Variants in CPNE4 observed in about 807,000 individuals in gnomAD.
CPNE4 encodes the protein copine-4.
A neutral mutation model predicts 67.9 loss-of-function variants in CPNE4; 25 were observed. That is an observed-to-expected ratio of 0.37 (90% CI 0.27 to 0.51). The LOEUF is 0.51. Ranked by LOEUF, CPNE4 falls within the 20% of genes least tolerant of loss-of-function variation. The pLI is 0.93. For missense variants in CPNE4, 464 were observed against 690.8 expected, an observed-to-expected ratio of 0.67 and a Z score of 3.68; for synonymous variants, 242 against 244.9, an observed-to-expected ratio of 0.99 and a Z score of 0.11.
At chr3:131,900,257 A>G (rs948901481) in intron 2 of CPNE4, among the ~76,000 whole-genome samples, 3 of 149,608 alleles carry the variant, frequency 2.0e-5, no homozygotes, top group Non-Finnish European at 4.5e-5. Context: ...AACATCACTG[A>G]TCATCAGAAA....
chr3:131,808,090 T>G (rs984449434), intron 2 of CPNE4, among the ~76,000 whole-genome samples: 28 of 152,128 alleles, frequency 1.8e-4, no homozygotes, highest in Non-Finnish European at 2.1e-4. Context: ...TTGACTCAAG[T>G]CCCCACACTA....
intron 2 of CPNE4, among the ~76,000 whole-genome samples, chr3:131,858,259 C>A (rs577975674): frequency 1.4e-4 from 22 of 152,148 alleles, no homozygotes; most frequent in African/African-American, 5.3e-4. Context: ...TCATACTTTC[C>A]TGCCATTCAA....
chr3:131,925,792 C>T (rs994513953), intron 1 of CPNE4, among the ~76,000 whole-genome samples: 3 of 152,258 alleles, frequency 2.0e-5, no homozygotes, highest in East Asian at 3.9e-4. Flanking sequence ...TGGGCAGCCT[C>T]CCCAGGGCTA....
chr3:131,806,346 C>T lies in CPNE4; in HGVS notation c.181-82721G>A, dbSNP rs533509720. On this transcript the variant is annotated intron_variant, in intron 2 of 15. Transcript: ENST00000429747. ...CGGGTAGATCATGAGGTCAGGAGAT[C>T]GAGACCATCCTGGCTAACATGGTGA... is the stretch of plus-strand genomic sequence containing the variant. 3.2e-3 allele frequency among the ~76,000 whole-genome samples: 484 copies of T among 152,102 alleles called. 3 individuals are homozygous for T. Among genetic ancestry groups the T allele is most frequent in the African/African-American group, 1.0e-2 (415 of 41,504 alleles).
At chr3:131,908,831 G>A (rs1322698028) in intron 1 of CPNE4, among the ~76,000 whole-genome samples, 2 of 152,088 alleles carry the variant, frequency 1.3e-5, no homozygotes, top group Admixed American at 6.6e-5. Context: ...GTATCCTTGG[G>A]CAGGGTATTT....
intron 2 of CPNE4, among the ~76,000 whole-genome samples, chr3:131,803,195 G>A (rs888421144): frequency 1.3e-5 from 2 of 152,180 alleles, no homozygotes; most frequent in Non-Finnish European, 2.9e-5. Context: ...ATTACATAAT[G>A]TCCTAGAGGG....
chr3:131,734,781 C>T (rs1244116777), intron 2 of CPNE4, among the ~76,000 whole-genome samples: 1 of 152,134 alleles, frequency 6.6e-6, no homozygotes, highest in African/African-American at 2.4e-5. Flanking sequence ...GTCCCTGCTA[C>T]TCAGGAGGTT....
At position 131,555,508 on chromosome 3, in the gene CPNE4, G is replaced by A. The variant is rs758451266; in HGVS notation, c.1105C>T (p.Pro369Ser). 1.2e-6 allele frequency: 2 copies of A among 1,612,580 alleles called. No homozygotes were observed. Among genetic ancestry groups the A allele is most frequent in the Admixed American group, 1.7e-5 (1 of 59,858 alleles). The change falls in exon 12 of 16, where the codon CCA becomes TCA. Residue 369 changes from proline to serine, a missense_variant. This residue lies in a region of CPNE4 where 201 missense variants were observed against 357.7 expected (regional missense o/e 0.56). Coordinates refer to ENST00000429747, the MANE Select transcript of CPNE4 (RefSeq NM_130808.3). Reference sequence around the variant, plus strand: ...CTCCACTCACTCACCGTGTACTCTGGAGGTATCCTGGCGCCAAACCCAAAG... The same window carrying A: ...CTCCACTCACTCACCGTGTACTCTGAAGGTATCCTGGCGCCAAACCCAAAG... ...PAFGFGARIP[P>S]EYTVSHDFAI...
chr3:131,908,427 C>T (rs1346760695), intron 1 of CPNE4, among the ~76,000 whole-genome samples: 1 of 152,108 alleles, frequency 6.6e-6, no homozygotes, highest in African/African-American at 2.4e-5. Context: ...TACAAACTCT[C>T]TTTATCAACT....
intron 7 of CPNE4, among the ~76,000 whole-genome samples, chr3:131,669,115 G>T (rs139706472): frequency 4.6e-4 from 70 of 152,214 alleles, no homozygotes; most frequent in African/African-American, 1.6e-3. Flanking sequence ...GCCTGGGGAT[G>T]ATGAGAGCCA....
At chr3:131,706,602 C>T (rs1015119614) in intron 3 of CPNE4, among the ~76,000 whole-genome samples, 1 of 152,188 alleles carries the variant, frequency 6.6e-6, no homozygotes, top group African/African-American at 2.4e-5. Flanking sequence ...GGGAGTCAGA[C>T]ATGCCTCATT....
At chr3:131,665,676 C>CAAACA (rs1168790588) in intron 7 of CPNE4, among the ~76,000 whole-genome samples, 2 of 151,020 alleles carry the variant, frequency 1.3e-5, no homozygotes, top group African/African-American at 2.4e-5. Flanking sequence ...AACAAACAAA[C>CAAACA]AAACAAACAA....
chr3:131,634,907 A>G (rs749060426), intron 7 of CPNE4, among the ~76,000 whole-genome samples: 3 of 152,196 alleles, frequency 2.0e-5, no homozygotes, highest in Non-Finnish European at 4.4e-5. Flanking sequence ...ATCTGAAAAA[A>G]TAAATTAATA....
At chr3:132,024,447 T>C (rs945510912) in intron 1 of CPNE4, among the ~76,000 whole-genome samples, 1 of 152,064 alleles carries the variant, frequency 6.6e-6, no homozygotes, top group Non-Finnish European at 1.5e-5. Flanking sequence ...TGAGCACCTA[T>C]GTTTTAGTGG....
intron 1 of CPNE4, among the ~76,000 whole-genome samples, chr3:131,929,196 C>CAAAAAA (rs57462900): frequency 1.0e-5 from 1 of 98,842 alleles, no homozygotes. Context: ...TTGTCCTCAC[C>CAAAAAA]AAAAAAAAAA....
At chr3:132,008,680 T>G (rs1113077) in intron 1 of CPNE4, among the ~76,000 whole-genome samples, 37,146 of 152,142 alleles carry the variant, frequency 0.24, 5,479 homozygotes, top group East Asian at 0.5. Flanking sequence ...CCATAAATTC[T>G]TTTATGAAGA....
chr3:131,721,236 T>C (rs2081875535), intron 3 of CPNE4, among the ~76,000 whole-genome samples: 1 of 152,012 alleles, frequency 6.6e-6, no homozygotes, highest in South Asian at 2.1e-4. Context: ...CCTGTCTTAC[T>C]TGCAAGGTTA....
At chr3:131,785,454 G>A (rs2083532945) in intron 2 of CPNE4, among the ~76,000 whole-genome samples, 1 of 151,834 alleles carries the variant, frequency 6.6e-6, no homozygotes, top group South Asian at 2.1e-4. Flanking sequence ...TGACCACTTG[G>A]TTTCTCCCAG....
At chr3:131,561,403 G>T (rs1410946288) in intron 11 of CPNE4, among the ~76,000 whole-genome samples, 1 of 151,842 alleles carries the variant, frequency 6.6e-6, no homozygotes, top group Non-Finnish European at 1.5e-5. Context: ...ACAAGTAGTT[G>T]TGCTGGGGTG....
Sources: gnomAD v4.1 joint callset for allele counts (sites outside exome capture counted in the v4.1 genomes callset) on GRCh38, gnomAD v4.1.1 for gene constraint, gnomAD v4.1.1 regional missense constraint, MANE v1.5 for transcripts, NCBI Gene and HGNC (gene_info 2026-07-23, HGNC 2026-07-21) for gene names.